Variants in FBXL17 observed in about 807,000 individuals in gnomAD.
FBXL17 encodes the protein F-box and leucine rich repeat protein 17, also known as F-box/LRR-repeat protein 17.
FBXL17 carries 22 observed loss-of-function variants against 66.2 expected under a neutral mutation model. The ratio of observed to expected loss-of-function variants is 0.33; its 90% CI spans 0.24 to 0.47. The LOEUF is 0.47. FBXL17 is among the 20% of genes least tolerant of loss of function. FBXL17 has a pLI of 1.00. For missense variants in FBXL17, 878 were observed against 948.2 expected (o/e 0.93, Z 0.97); for synonymous variants, 474 against 400.5 (o/e 1.18, Z -2.19).
intron 6 of FBXL17, among the ~76,000 whole-genome samples, chr5:108,185,049 A>AT (rs1426047912): frequency 6.6e-6 from 1 of 151,974 alleles, no homozygotes; most frequent in Non-Finnish European, 1.5e-5. Flanking sequence ...GTTTTCCTGT[A>AT]TTTTTTTCTT....
chr5:108,260,824 A>T (rs1756785871), intron 4 of FBXL17, among the ~76,000 whole-genome samples: 1 of 152,168 alleles, frequency 6.6e-6, no homozygotes. Flanking sequence ...GGACTTTTGC[A>T]CAAGTTTGCT....
At chr5:108,008,209 TG>T (rs1754012451) in intron 7 of FBXL17, among the ~76,000 whole-genome samples, 1 of 152,216 alleles carries the variant, frequency 6.6e-6, no homozygotes, top group Non-Finnish European at 1.5e-5. Flanking sequence ...CCCTCATCCC[TG>T]TTTCTAGCGC....
At chr5:107,882,589 T>C (rs908307585) in intron 7 of FBXL17, among the ~76,000 whole-genome samples, 6 of 152,170 alleles carry the variant, frequency 3.9e-5, no homozygotes, top group African/African-American at 1.4e-4. Flanking sequence ...GTTTGGGGGA[T>C]TTGCCAACTA....
At chr5:108,189,375 G>GA (rs1753374735) in intron 5 of FBXL17, among the ~76,000 whole-genome samples, 1 of 15,434 alleles carries the variant, frequency 6.5e-5, no homozygotes, top group Admixed American at 7.9e-4. Context: ...ACAATGGTAA[G>GA]AAAAAAAGCA....
rs1293296776 is a variant in FBXL17 at position 107,863,468 on chromosome 5, A to G, written c.1966-1608T>C. Among the ~76,000 whole-genome samples the G allele has an allele frequency of 2.6e-5, 4 of 151,278 alleles. No homozygotes were observed. In the South Asian group the frequency reaches 8.4e-4, roughly 32 times the overall value. Reference sequence around the variant, plus strand: ...ACTCATCTTTGAGTTCTTAGCTTCAATGTCATTTTCCCAGCAAATTTGGAT... The same window carrying G: ...ACTCATCTTTGAGTTCTTAGCTTCAGTGTCATTTTCCCAGCAAATTTGGAT... On this transcript the variant is annotated intron_variant, in intron 8 of 8. Transcript: ENST00000542267.
chr5:108,169,976 T>A (rs1453069926), intron 6 of FBXL17, among the ~76,000 whole-genome samples: 1 of 152,168 alleles, frequency 6.6e-6, no homozygotes, highest in African/African-American at 2.4e-5. Context: ...TCTAAAAAAT[T>A]TATAATCCAT....
At chr5:107,876,565 A>G (rs371153752) in intron 8 of FBXL17, among the ~76,000 whole-genome samples, 1 of 152,126 alleles carries the variant, frequency 6.6e-6, no homozygotes, top group East Asian at 1.9e-4. Context: ...AGGCCTCGCA[A>G]ACAGCCAGCC....
chr5:108,287,807 A>G (rs1298508655), intron 4 of FBXL17, among the ~76,000 whole-genome samples: 1 of 151,936 alleles, frequency 6.6e-6, no homozygotes, highest in Admixed American at 6.6e-5. Flanking sequence ...CCTACAGACA[A>G]ACAGACATGT....
intron 4 of FBXL17, among the ~76,000 whole-genome samples, chr5:108,274,795 G>C (rs1018213908): frequency 6.6e-6 from 1 of 152,238 alleles, no homozygotes; most frequent in East Asian, 1.9e-4. Context: ...GGCTTCAGCT[G>C]GTCCCTCCAT....
intron 7 of FBXL17, among the ~76,000 whole-genome samples, chr5:107,890,017 C>T (rs1749141942): frequency 1.3e-5 from 2 of 152,000 alleles, no homozygotes; most frequent in African/African-American, 2.4e-5. Flanking sequence ...TGACAATCCC[C>T]CTATTAAATT....
chr5:108,297,742 CA>C lies in FBXL17; in HGVS notation c.1506+50656del, dbSNP rs1179758286. The C allele has an allele frequency of 3.1e-5, 19 of 613,800 alleles. No homozygotes were observed. In the East Asian group the frequency reaches 2.0e-3, roughly 63 times the overall value. 38.0% of individuals were successfully genotyped at this position (613,800 alleles called of 1,614,324 possible). ...CATTAAGCAACTCAGAAATAAACTT[CA>C]AAAAAAGTTTATTCATAACAAATTA... On this transcript the variant is annotated intron_variant, in intron 4 of 8. Transcript: ENST00000542267.
chr5:108,364,571 C>T (rs899024098), intron 3 of FBXL17, among the ~76,000 whole-genome samples, 167 bp downstream of exon 3: 5 of 151,988 alleles, frequency 3.3e-5, no homozygotes, highest in African/African-American at 1.2e-4. Context: ...TGATTATAAC[C>T]ATGGCACTCT....
intron 7 of FBXL17, among the ~76,000 whole-genome samples, chr5:107,989,659 G>C (rs1753157848): frequency 1.3e-5 from 2 of 152,218 alleles, no homozygotes; most frequent in East Asian, 1.9e-4. Flanking sequence ...ATACCCAGCT[G>C]TGGGACTGCT....
rs1752776292 is a variant in FBXL17, at chr5:107,980,655, TATATA to T, written c.1822+40265_1822+40269del. On this transcript the variant is annotated intron_variant, in intron 7 of 8. Coordinates refer to ENST00000542267, the MANE Select transcript of FBXL17 (RefSeq NM_001163315.3). Reference sequence around the variant, plus strand: ...ACTGGCCAATAAAATAATATATATATATATATATATTTTTTTTTTGAGATGGAGTC... The same window carrying T: ...ACTGGCCAATAAAATAATATATATATTATATTTTTTTTTTGAGATGGAGTC... Among the ~76,000 whole-genome samples, 2 of 90,104 alleles carry T rather than the reference TATATA, an allele frequency of 2.2e-5. 1 individual carries two copies. Among genetic ancestry groups the T allele is most frequent in the African/African-American group, 1.4e-4 (2 of 14,568 alleles). 59.1% of individuals were successfully genotyped at this position (90,104 alleles called of 152,430 possible).
chr5:108,136,221 C>G (rs892843912), intron 6 of FBXL17, among the ~76,000 whole-genome samples: 1 of 152,006 alleles, frequency 6.6e-6, no homozygotes. Flanking sequence ...ATTTATGAGC[C>G]TAACTCTTTA....
intron 8 of FBXL17, among the ~76,000 whole-genome samples, chr5:107,865,230 C>T (rs921838324): frequency 2.0e-5 from 3 of 152,124 alleles, no homozygotes; most frequent in Non-Finnish European, 4.4e-5. Context: ...GGTTGACAGG[C>T]AATTTGTTTT....
At chr5:108,306,399 T>C (rs1442773455) in intron 4 of FBXL17, among the ~76,000 whole-genome samples, 1 of 152,086 alleles carries the variant, frequency 6.6e-6, no homozygotes, top group African/African-American at 2.4e-5. Context: ...ACACAGATAG[T>C]AGTAGTTAAG....
intron 6 of FBXL17, among the ~76,000 whole-genome samples, chr5:108,108,452 C>T (rs1002457841): frequency 1.4e-4 from 21 of 152,192 alleles, no homozygotes; most frequent in Admixed American, 2.6e-4. Flanking sequence ...ATATAGGAGT[C>T]AATTTGGGGC....
intron 6 of FBXL17, among the ~76,000 whole-genome samples, chr5:108,173,114 T>G (rs1053343142): frequency 3.9e-5 from 6 of 152,318 alleles, no homozygotes; most frequent in African/African-American, 1.4e-4. Context: ...AGCAGTTTTC[T>G]AATTGAACAT....
Sources: gnomAD v4.1 joint callset for allele counts (sites outside exome capture counted in the v4.1 genomes callset) on GRCh38, gnomAD v4.1.1 for gene constraint, MANE v1.5 for transcripts, NCBI Gene and HGNC (gene_info 2026-07-23, HGNC 2026-07-21) for gene names.